Variants in ADAMTS17 observed in about 807,000 individuals in gnomAD.
ADAMTS17 encodes ADAM metallopeptidase with thrombospondin type 1 motif 17.
Under a neutral mutation model 141.5 loss-of-function variants are expected in ADAMTS17, and 113 were observed. The observed-to-expected ratio is 0.80, with a 90% CI of 0.69 to 0.93. The LOEUF is 0.93. Among genes scored for constraint, ADAMTS17 ranks in the 40% least tolerant of loss-of-function variants. The probability of loss-of-function intolerance (pLI) is 0.00; values close to 1 mark genes in which losing one functional copy is unlikely to be tolerated. For missense variants in ADAMTS17, 1,659 were observed against 1,517.9 expected (o/e 1.09, Z -1.54); for synonymous variants, 768 against 630.6 (o/e 1.22, Z -3.27).
intron 17 of ADAMTS17, among the ~76,000 whole-genome samples, chr15:100,049,483 A>G (rs941423365): frequency 6.6e-6 from 1 of 152,180 alleles, no homozygotes. Context: ...CATCCTCTAG[A>G]CAGGCATTCC....
chr15:100,158,402 T>C (rs1322571751), intron 8 of ADAMTS17, among the ~76,000 whole-genome samples: 1 of 152,236 alleles, frequency 6.6e-6, no homozygotes, highest in South Asian at 2.1e-4. Context: ...TCACTCTCAG[T>C]ATGAATTCTT....
At chr15:100,092,457 C>T (rs1246279674) in intron 15 of ADAMTS17, among the ~76,000 whole-genome samples, 1 of 152,226 alleles carries the variant, frequency 6.6e-6, no homozygotes, top group East Asian at 1.9e-4. Flanking sequence ...ACAGCCTCTG[C>T]CATCACACAT....
At chr15:100,100,521 C>T (rs953548410) in intron 14 of ADAMTS17, among the ~76,000 whole-genome samples, 4 of 152,184 alleles carry the variant, frequency 2.6e-5, no homozygotes, top group African/African-American at 9.7e-5. Context: ...CACCCCCTGC[C>T]ACTGTCTTGG....
intron 10 of ADAMTS17, among the ~76,000 whole-genome samples, chr15:100,151,262 G>A (rs1180438231): frequency 6.6e-6 from 1 of 152,168 alleles, no homozygotes; most frequent in Non-Finnish European, 1.5e-5. Context: ...GTGGATAAAC[G>A]TCCTTTGGGG....
chr15:100,249,414 G>A (rs546032020), intron 7 of ADAMTS17, among the ~76,000 whole-genome samples: 30 of 152,332 alleles, frequency 2.0e-4, no homozygotes, highest in Middle Eastern at 3.4e-3. Flanking sequence ...TTCGTGGGAG[G>A]TGCTGTTGCC....
At chr15:100,115,232 C>A (rs1246167307) in intron 13 of ADAMTS17, among the ~76,000 whole-genome samples, 1 of 152,188 alleles carries the variant, frequency 6.6e-6, no homozygotes, top group Non-Finnish European at 1.5e-5. Context: ...AAGCCTCCTG[C>A]CACCTCCTGC....
chr15:100,002,305 C>T (rs767461895), intron 18 of ADAMTS17, among the ~76,000 whole-genome samples: 10 of 151,976 alleles, frequency 6.6e-5, no homozygotes, highest in Admixed American at 1.3e-4. Context: ...AGTCTGCTCC[C>T]GCCTTTGCTT....
chr15:100,298,156 G>A (rs1288028861), intron 3 of ADAMTS17, among the ~76,000 whole-genome samples: 1 of 152,196 alleles, frequency 6.6e-6, no homozygotes, highest in Admixed American at 6.5e-5. Flanking sequence ...GAAGTCTGGG[G>A]AGGAGAGAGA....
At position 100,087,209 on chromosome 15, in the gene ADAMTS17, C is replaced by A. The variant is rs558802756; in HGVS notation, c.2137+9147G>T. On this transcript the variant is annotated intron_variant, in intron 15 of 21. Coordinates refer to ENST00000268070, the MANE Select transcript of ADAMTS17 (RefSeq NM_139057.4). ...AAACTACCATCATATCTTATAAACA[C>A]CTCTACACAAATAAACTAGAAAATC... 3.2e-4 allele frequency among the ~76,000 whole-genome samples: 49 copies of A among 152,274 alleles called. No homozygotes were observed. The East Asian group carries it at 8.1e-3, about 25-fold the overall frequency.
chr15:100,246,551 TC>T (rs1372006113), intron 7 of ADAMTS17, among the ~76,000 whole-genome samples: 1 of 152,182 alleles, frequency 6.6e-6, no homozygotes, highest in African/African-American at 2.4e-5. Flanking sequence ...AATTAAGCCT[TC>T]CCCTTTGTAA....
intron 18 of ADAMTS17, among the ~76,000 whole-genome samples, chr15:100,042,986 ATATG>A (rs756652474): frequency 1.3e-5 from 2 of 152,226 alleles, no homozygotes; most frequent in African/African-American, 2.4e-5. Flanking sequence ...GTGTATGTAT[ATATG>A]TATGTGTATG....
chr15:100,162,430 T>C (rs1371766290), intron 8 of ADAMTS17, among the ~76,000 whole-genome samples: 2 of 144,474 alleles, frequency 1.4e-5, no homozygotes, highest in Non-Finnish European at 1.5e-5. Flanking sequence ...AACTATATAG[T>C]TATATATACA....
At chr15:100,283,608 C>T (rs916675293) in intron 3 of ADAMTS17, among the ~76,000 whole-genome samples, 2 of 152,160 alleles carry the variant, frequency 1.3e-5, no homozygotes, top group South Asian at 2.1e-4. Flanking sequence ...ATGCTCCCCA[C>T]GTTGGTTATT....
Position 99,974,005 on chromosome 15 carries a change from C to A in ADAMTS17, c.*397G>T. The A allele has an allele frequency of 7.1e-6, 1 of 140,128 alleles. No homozygotes were observed. The highest frequency in any genetic ancestry group is 4.9e-5 in the South Asian group (1 of 20,314). The allele number at this position is 140,128 out of a possible 1,614,324, so 8.7% of individuals were successfully genotyped here. A position where few individuals can be genotyped will look rare whatever the true frequency, so the allele number is the denominator to read the frequency against. ...GCCGGCTTTCAGAATAAAGCCTTTT[C>A]TAGCATGTCTCGTTTTGGGGATGTT... On this transcript the variant is annotated 3_prime_UTR_variant, in exon 22 of 22. Coordinates refer to ENST00000268070, the MANE Select transcript of ADAMTS17 (RefSeq NM_139057.4).
intron 3 of ADAMTS17, among the ~76,000 whole-genome samples, chr15:100,300,552 A>T (rs2044994150): frequency 2.6e-5 from 4 of 152,234 alleles, no homozygotes; most frequent in Non-Finnish European, 5.9e-5. Context: ...CATTTCTTGA[A>T]GTGCTTCCAC....
chr15:100,001,513 A>G (rs2141362835), intron 18 of ADAMTS17, among the ~76,000 whole-genome samples: 1 of 152,310 alleles, frequency 6.6e-6, no homozygotes, highest in South Asian at 2.1e-4. Flanking sequence ...GATGAACCAT[A>G]GATGTGGGTG....
At chr15:100,135,152 G>T (rs1041256808) in intron 10 of ADAMTS17, among the ~76,000 whole-genome samples, 1 of 152,108 alleles carries the variant, frequency 6.6e-6, no homozygotes, top group Non-Finnish European at 1.5e-5. Flanking sequence ...TATAGACAGG[G>T]CTTTCTCATG....
At chr15:100,235,303 T>C (rs1022082119) in intron 7 of ADAMTS17, among the ~76,000 whole-genome samples, 28 of 152,268 alleles carry the variant, frequency 1.8e-4, no homozygotes, top group African/African-American at 6.0e-4. Context: ...TGTGCAGTGC[T>C]GGCCCCCTGG....
intron 18 of ADAMTS17, among the ~76,000 whole-genome samples, chr15:100,023,943 G>C (rs2061452565): frequency 6.6e-6 from 1 of 152,214 alleles, no homozygotes; most frequent in African/African-American, 2.4e-5. Context: ...AAAATAGCGA[G>C]AGAACCAAAG....
Sources: allele counts gnomAD v4.1 joint callset (sites outside exome capture counted in the v4.1 genomes callset), GRCh38; gene constraint gnomAD v4.1.1; transcripts MANE v1.5; gene names NCBI Gene and HGNC (gene_info 2026-07-23, HGNC 2026-07-21).